The following BAZ1A variants were observed in gnomAD, a reference collection of about 807,000 sequenced individuals.
BAZ1A encodes bromodomain adjacent to zinc finger domain 1A.
BAZ1A carries 50 observed loss-of-function variants against 185.2 expected under a neutral mutation model. That is an observed-to-expected ratio of 0.27 (90% CI 0.22 to 0.34). BAZ1A has a LOEUF of 0.34. BAZ1A is among the 10% of genes least tolerant of loss of function. BAZ1A has a pLI of 1.00. For missense variants in BAZ1A, 1,356 were observed against 1,839.9 expected, an observed-to-expected ratio of 0.74 and a Z score of 4.81; for synonymous variants, 571 against 615.6, an observed-to-expected ratio of 0.93 and a Z score of 1.07.
intron 12 of BAZ1A, among the ~76,000 whole-genome samples, chr14:34,788,662 A>T (rs7145431): frequency 0.57 from 87,118 of 151,568 alleles, 25,268 homozygotes; most frequent in South Asian, 0.67. Flanking sequence ...AAAAAAAAAA[A>T]TTTTTTTTCT....
chr14:34,836,540 C>T (rs919258627), intron 3 of BAZ1A, among the ~76,000 whole-genome samples: 4 of 151,726 alleles, frequency 2.6e-5, no homozygotes, highest in South Asian at 2.1e-4. Flanking sequence ...AATAAGAGAC[C>T]GACCCTCTGT....
Position 34,756,464 on chromosome 14 carries a change from C to CTTTTTTTTTTTTTTTTTTTTTTTTT in BAZ1A, c.4387-1551_4387-1550insAAAAAAAAAAAAAAAAAAAAAAAAA, listed in dbSNP as rs1343693112. 5.6e-5 allele frequency among the ~76,000 whole-genome samples: 6 copies of CTTTTTTTTTTTTTTTTTTTTTTTTT among 107,168 alleles called. 2 individuals carry two copies. Among genetic ancestry groups the CTTTTTTTTTTTTTTTTTTTTTTTTT allele is most frequent in the African/African-American group, 7.6e-5 (2 of 26,378 alleles). The allele number at this position is 107,168 out of a possible 152,430, so 70.3% of individuals were successfully genotyped here. On this transcript the variant is annotated intron_variant, in intron 25 of 26. Transcript: ENST00000360310. ...GACACACTGCACCCAGCCAGAATAC[C>CTTTTTTTTTTTTTTTTTTTTTTTTT]TATTTTTTTTTTTTTTTTTTTTTTT...
chr14:34,758,907 C>T (rs1233694995), intron 24 of BAZ1A, 61 bp from the exon 25 acceptor site: 6 of 1,527,700 alleles, frequency 3.9e-6, no homozygotes, highest in East Asian at 2.3e-5. Flanking sequence ...TCACTACACG[C>T]CAAACTGGAT....
chr14:34,757,593 AGGTGGAGG>A (rs1886312881), intron 25 of BAZ1A, among the ~76,000 whole-genome samples: 1 of 151,216 alleles, frequency 6.6e-6, no homozygotes, highest in Non-Finnish European at 1.5e-5. Context: ...TGAACCCGGG[AGGTGGAGG>A]TTGCGGTGAG....
chr14:34,793,188 TTTAAGGCACAAA>T (rs1880962182), intron 11 of BAZ1A, among the ~76,000 whole-genome samples: 2 of 152,182 alleles, frequency 1.3e-5, no homozygotes, highest in African/African-American at 4.8e-5. Context: ...TAAATTTAAA[TTTAAGGCACAAA>T]TTAAGGCACA....
At chr14:34,807,191 TTC>T (rs1324119953) in intron 6 of BAZ1A, among the ~76,000 whole-genome samples, 3 of 151,440 alleles carry the variant, frequency 2.0e-5, no homozygotes, top group Non-Finnish European at 4.4e-5. Context: ...CTGATAACTT[TTC>T]TTTTTCCAAA....
At chr14:34,836,564 A>G (rs2042335286) in intron 3 of BAZ1A, among the ~76,000 whole-genome samples, 1 of 151,862 alleles carries the variant, frequency 6.6e-6, no homozygotes, top group Non-Finnish European at 1.5e-5. Context: ...GGTCTCTAAA[A>G]ATTGAATATG....
At chr14:34,768,924 T>A in intron 21 of BAZ1A, 1 of 208,700 alleles carries the variant, frequency 4.8e-6, no homozygotes, top group Non-Finnish European at 9.7e-6. Flanking sequence ...CATGATTTTA[T>A]CTTCCCCAAA....
rs765958454 is a variant in BAZ1A at position 34,826,150 on chromosome 14, C to A, written c.399G>T (p.Gln133His). The A allele has an allele frequency of 5.6e-6, 9 of 1,608,450 alleles. No individual in the cohort carries two copies. Among genetic ancestry groups the A allele is most frequent in the African/African-American group, 1.3e-5 (1 of 74,710 alleles). ...EVIRNNGARL[Q>H]CRILEVLPPS... ...GAGGGAGGACTTCCAAAATCCTACACTGCAACCTGAAATAAAATGATACAT... is the reference window on the plus strand; with the variant it reads ...GAGGGAGGACTTCCAAAATCCTACAATGCAACCTGAAATAAAATGATACAT... Residue 133 changes from glutamine to histidine, a missense_variant, in exon 4 of 27, where the codon CAG (glutamine) becomes CAT (histidine). By Grantham distance (24) the Gln-to-His change is conservative (BLOSUM62 0). This residue lies in a region of BAZ1A where 332 missense variants were observed against 395.3 expected (regional missense o/e 0.84). Transcript: ENST00000360310.
At chr14:34,771,740 C>CTTAT in intron 20 of BAZ1A, 81 bp from the exon 21 acceptor site, 1 of 1,289,224 alleles carries the variant, frequency 7.8e-7, no homozygotes, top group Non-Finnish European at 1.1e-6. Context: ...GGTTCAAATG[C>CTTAT]TTATTTATAC....
intron 2 of BAZ1A, among the ~76,000 whole-genome samples, chr14:34,873,546 A>C (rs1380615228): frequency 1.3e-5 from 2 of 152,218 alleles, no homozygotes; most frequent in Non-Finnish European, 2.9e-5. Context: ...CGAGTGGCAC[A>C]TGTCAGGCAG....
At chr14:34,844,205 CAAAAAAAAAAA>C (rs71121227) in intron 3 of BAZ1A, among the ~76,000 whole-genome samples, 2 of 109,822 alleles carry the variant, frequency 1.8e-5, no homozygotes, top group Non-Finnish European at 3.7e-5. Context: ...GACTCCGTCT[CAAAAAAAAAAA>C]AAAAAAAAAA....
intron 17 of BAZ1A, among the ~76,000 whole-genome samples, chr14:34,777,644 CAAAA>C (rs58853458): frequency 7.9e-6 from 1 of 125,810 alleles, no homozygotes; most frequent in Admixed American, 8.0e-5. Flanking sequence ...ACTCTGTCTC[CAAAA>C]AAAAAAAAAA....
chr14:34,861,953 G>A (rs1348511567), intron 3 of BAZ1A, 91 bp downstream of exon 3: 1 of 1,415,404 alleles, frequency 7.1e-7, no homozygotes, highest in African/African-American at 1.4e-5. Context: ...TAGTAAAAGG[G>A]AAGATTTCCT....
At chr14:34,755,061 ATATATGTCTATATAGATG>A (rs1886180621) in intron 25 of BAZ1A, 147 bp from the exon 26 acceptor site, 2 of 541,616 alleles carry the variant, frequency 3.7e-6, no homozygotes, top group Non-Finnish European at 6.5e-6. Context: ...CTATATAGAT[ATATATGTCTATATAGATG>A]TGTCTATACA....
intron 21 of BAZ1A, among the ~76,000 whole-genome samples, chr14:34,766,858 G>A (rs541258292): frequency 1.3e-5 from 2 of 152,180 alleles, no homozygotes; most frequent in Non-Finnish European, 2.9e-5. Context: ...TTAAGTGAAA[G>A]CCAGCAGAAT....
At chr14:34,839,990 T>A (rs189731225) in intron 3 of BAZ1A, among the ~76,000 whole-genome samples, 1 of 152,232 alleles carries the variant, frequency 6.6e-6, no homozygotes, top group East Asian at 1.9e-4. Flanking sequence ...AACTGATTTT[T>A]AAAATAAGAG....
chr14:34,783,497 G>A (rs957911362), intron 15 of BAZ1A, among the ~76,000 whole-genome samples: 3 of 150,958 alleles, frequency 2.0e-5, no homozygotes, highest in East Asian at 2.0e-4. Flanking sequence ...CACCACGCCC[G>A]GTTACTTTTT....
intron 2 of BAZ1A, among the ~76,000 whole-genome samples, chr14:34,870,530 G>A (rs1390552486): frequency 6.6e-6 from 1 of 152,198 alleles, no homozygotes; most frequent in Non-Finnish European, 1.5e-5. Flanking sequence ...TATGTCCATT[G>A]AATACCTAGA....
Sources: gnomAD v4.1 joint callset for allele counts (sites outside exome capture counted in the v4.1 genomes callset) on GRCh38, gnomAD v4.1.1 for gene constraint, gnomAD v4.1.1 regional missense constraint, MANE v1.5 for transcripts, NCBI Gene and HGNC (gene_info 2026-07-23, HGNC 2026-07-21) for gene names.